TRPC6: variants seen among roughly 807,000 people sequenced by gnomAD.
The protein encoded by TRPC6 is short transient receptor potential channel 6.
In TRPC6, 55 loss-of-function variants were observed where a neutral mutation model predicts 90.7. The observed-to-expected ratio is 0.61, with a 90% CI of 0.49 to 0.76. The LOEUF is 0.76. Ranked by LOEUF, TRPC6 falls within the 30% of genes least tolerant of loss-of-function variation. The pLI is 0.00. For missense variants in TRPC6, 989 were observed against 1,122.7 expected (o/e 0.88, Z 1.70); for synonymous variants, 393 against 393.0 (o/e 1.00, Z 0.00).
intron 10 of TRPC6, among the ~76,000 whole-genome samples, chr11:101,457,618 T>A (rs1011650625): frequency 6.6e-6 from 1 of 152,178 alleles, no homozygotes; most frequent in Non-Finnish European, 1.5e-5. Flanking sequence ...GAAGCTGTGT[T>A]ATACAGTGCT....
chr11:101,471,025 A>G (rs1050367518), intron 9 of TRPC6, among the ~76,000 whole-genome samples, 158 bp downstream of exon 9: 18 of 152,170 alleles, frequency 1.2e-4, no homozygotes, highest in Non-Finnish European at 1.5e-4. Context: ...CTCATGTTGA[A>G]CAGACACAAG....
At chr11:101,503,827 C>G (rs1309926007) in intron 2 of TRPC6, among the ~76,000 whole-genome samples, 197 bp downstream of exon 2, 1 of 152,156 alleles carries the variant, frequency 6.6e-6, no homozygotes, top group African/African-American at 2.4e-5. Context: ...AAATGTCTGG[C>G]AGACAGTAGA....
intron 2 of TRPC6, among the ~76,000 whole-genome samples, chr11:101,495,589 GTAATTATTATTATTATTA>G (rs1859922353): frequency 7.3e-6 from 1 of 137,348 alleles, no homozygotes; most frequent in African/African-American, 2.8e-5. Context: ...CAGATCAATG[GTAATTATTATTATTATTA>G]TTATTATTAT....
intron 2 of TRPC6, among the ~76,000 whole-genome samples, chr11:101,502,599 T>C (rs1488827825): frequency 6.6e-6 from 1 of 152,232 alleles, no homozygotes. Context: ...TTAATATTAA[T>C]CAGAGTTCAA....
At position 101,483,138 on chromosome 11, in the gene TRPC6, T is replaced by C; in HGVS notation, c.1321A>G (p.Met441Val). 2.5e-6 allele frequency: 4 copies of C among 1,614,034 alleles called. No individual in the cohort carries two copies. Among genetic ancestry groups the C allele is most frequent in the Non-Finnish European group, 3.4e-6 (4 of 1,179,926 alleles). The change falls in exon 5 of 13, where the codon ATG (methionine) becomes GTG (valine). Residue 441 changes from methionine to valine, a missense_variant. Met to Val is a conservative substitution (Grantham distance 21). Coordinates refer to ENST00000344327, the MANE Select transcript of TRPC6 (RefSeq NM_004621.6). ...GAGGCTGCGTGTGCTACAAACTTCA[T>C]GAATGGTCCACGCATTATCTTCCCC... ...KMGKIMRGPF[M>V]KFVAHAASFT...
At chr11:101,514,754 T>C (rs1409410626) in intron 1 of TRPC6, among the ~76,000 whole-genome samples, 1 of 152,206 alleles carries the variant, frequency 6.6e-6, no homozygotes, top group Non-Finnish European at 1.5e-5. Flanking sequence ...ACTCGGAGAC[T>C]GGAGTGCTGC....
chr11:101,582,701 G>A (rs1862224572), intron 1 of TRPC6, among the ~76,000 whole-genome samples: 1 of 152,122 alleles, frequency 6.6e-6, no homozygotes, highest in African/African-American at 2.4e-5. Context: ...GACGCCCCGG[G>A]TGAAAAGGTT....
chr11:101,469,972 A>G (rs1395614199), intron 9 of TRPC6, among the ~76,000 whole-genome samples: 1 of 152,196 alleles, frequency 6.6e-6, no homozygotes, highest in Non-Finnish European at 1.5e-5. Context: ...AGAATGTGCT[A>G]CTTACTTGAG....
intron 1 of TRPC6, among the ~76,000 whole-genome samples, chr11:101,539,506 G>T (rs1189526363): frequency 2.0e-5 from 3 of 152,094 alleles, no homozygotes; most frequent in African/African-American, 7.2e-5. Flanking sequence ...CCTCATCAAC[G>T]TTCATTTTGG....
chr11:101,578,169 G>C (rs534577105), intron 1 of TRPC6, among the ~76,000 whole-genome samples: 26 of 152,290 alleles, frequency 1.7e-4, no homozygotes, highest in Admixed American at 1.4e-3. Context: ...TCTAGTCAGA[G>C]GAAAAGGACG....
chr11:101,491,299 T>G lies in TRPC6; in HGVS notation c.1128+257A>C, dbSNP rs1288375063. On this transcript the variant is annotated intron_variant, in intron 3 of 12. Transcript: ENST00000344327. ...AATACAAAAAATTAGCCGGGCGTGGTGGTGGGCGCCTGTAGTCCCAGCTAC... is the reference window on the plus strand; with the variant it reads ...AATACAAAAAATTAGCCGGGCGTGGGGGTGGGCGCCTGTAGTCCCAGCTAC... The G allele has an allele frequency of 3.6e-5, 13 of 359,648 alleles. No homozygotes were observed. In the East Asian group the frequency reaches 4.7e-4, roughly 13 times the overall value. 22.3% of individuals were successfully genotyped at this position (359,648 alleles called of 1,614,324 possible).
chr11:101,466,358 G>C (rs1404893566), intron 10 of TRPC6, among the ~76,000 whole-genome samples: 2 of 152,212 alleles, frequency 1.3e-5, no homozygotes, highest in African/African-American at 2.4e-5. Flanking sequence ...GGTTTTATCT[G>C]TAAGTCCCTG....
At chr11:101,558,785 G>A (rs1043224435) in intron 1 of TRPC6, among the ~76,000 whole-genome samples, 5 of 152,162 alleles carry the variant, frequency 3.3e-5, no homozygotes, top group African/African-American at 1.2e-4. Context: ...TAGTCTCTTC[G>A]ATAAATGGTG....
intron 1 of TRPC6, among the ~76,000 whole-genome samples, chr11:101,540,098 C>T (rs1861136209): frequency 6.6e-6 from 1 of 152,200 alleles, no homozygotes; most frequent in African/African-American, 2.4e-5. Context: ...TCTTTAGCTT[C>T]TCTTAGCTGT....
In TRPC6 at chr11:101,501,080, AATACATAC is replaced by A. The variant is rs60962933; in HGVS notation, c.945+2936_945+2943del. On this transcript the variant is annotated intron_variant, in intron 2 of 12. Transcript: ENST00000344327. ...CATCTTTCAGATGGAAAGGGAGCAA[AATACATAC>A]ATACATACATACATACATACATACA... Among the ~76,000 whole-genome samples the A allele has an allele frequency of 6.2e-3, 905 of 146,020 alleles. 7 individuals are homozygous for A. Among genetic ancestry groups the A allele is most frequent in the African/African-American group, 0.015 (581 of 39,400 alleles).
intron 1 of TRPC6, among the ~76,000 whole-genome samples, chr11:101,529,745 A>G (rs1483171946): frequency 1.3e-5 from 2 of 152,226 alleles, no homozygotes; most frequent in African/African-American, 4.8e-5. Context: ...TCATATACCC[A>G]CACAGCAAGA....
intron 2 of TRPC6, among the ~76,000 whole-genome samples, chr11:101,494,494 TA>T (rs1189814668): frequency 2.0e-5 from 3 of 152,152 alleles, no homozygotes; most frequent in Admixed American, 2.0e-4. Context: ...CTCTTGACAT[TA>T]AAAAAATACC....
chr11:101,569,534 G>A (rs1398456437), intron 1 of TRPC6, among the ~76,000 whole-genome samples: 1 of 152,174 alleles, frequency 6.6e-6, no homozygotes, highest in Non-Finnish European at 1.5e-5. Context: ...GACATCTACA[G>A]AACTCTCCAC....
At chr11:101,492,581 TAA>T (rs35149876) in intron 2 of TRPC6, among the ~76,000 whole-genome samples, 1 of 149,534 alleles carries the variant, frequency 6.7e-6, no homozygotes, top group East Asian at 2.0e-4. Flanking sequence ...AGACCCTGTC[TAA>T]AAAAAAAAGA....
Sources: gnomAD v4.1 joint callset for allele counts (sites outside exome capture counted in the v4.1 genomes callset) on GRCh38, gnomAD v4.1.1 for gene constraint, MANE v1.5 for transcripts, NCBI Gene and HGNC (gene_info 2026-07-23, HGNC 2026-07-21) for gene names.